KCNMA1: variants seen among roughly 807,000 people sequenced by gnomAD.
The protein encoded by KCNMA1 is Calcium-activated potassium channel subunit alpha-1.
A neutral mutation model predicts 140.0 loss-of-function variants in KCNMA1; 29 were observed. The ratio of observed to expected loss-of-function variants is 0.21; its 90% CI spans 0.15 to 0.28. The LOEUF (loss-of-function observed/expected upper bound fraction) is 0.28. Among genes scored for constraint, KCNMA1 ranks in the 10% least tolerant of loss-of-function variants. The pLI, the probability that KCNMA1 is intolerant of heterozygous loss-of-function variation, is 1.00. For missense variants in KCNMA1, 880 were observed against 1,602.2 expected (o/e 0.55, Z 7.70); for synonymous variants, 612 against 611.9 (o/e 1.00, Z 0.00).
intron 22 of KCNMA1, among the ~76,000 whole-genome samples, chr10:76,948,505 C>T (rs192016917): frequency 1.3e-5 from 2 of 152,194 alleles, no homozygotes; most frequent in Admixed American, 6.5e-5. Context: ...CCCATATCCT[C>T]ACACTAAATT....
At chr10:77,007,653 GTA>G (rs60937323) in intron 18 of KCNMA1, among the ~76,000 whole-genome samples, 8,022 of 88,522 alleles carry the variant, frequency 0.091, 510 homozygotes, top group Non-Finnish European at 0.13. Flanking sequence ...TTGTGTGTGT[GTA>G]TATATATATA....
intron 1 of KCNMA1, chr10:77,636,850 G>T (rs2093798813): frequency 9.8e-6 from 14 of 1,428,530 alleles, no homozygotes; most frequent in African/African-American, 1.4e-5. Flanking sequence ...CTCGCCCACC[G>T]CCAGGAGCCG....
chr10:77,197,176 A>G (rs938134511), intron 3 of KCNMA1, among the ~76,000 whole-genome samples: 2 of 152,258 alleles, frequency 1.3e-5, no homozygotes, highest in Non-Finnish European at 2.9e-5. Context: ...TAGTTTTACT[A>G]AACACTATGA....
chr10:77,378,536 G>A (rs1204341196), intron 2 of KCNMA1, among the ~76,000 whole-genome samples: 1 of 152,174 alleles, frequency 6.6e-6, no homozygotes, highest in Non-Finnish European at 1.5e-5. Context: ...GAAAAGCCCT[G>A]GTTTGGGTGG....
chr10:77,455,450 T>A (rs1372969122), intron 1 of KCNMA1, among the ~76,000 whole-genome samples: 3 of 152,086 alleles, frequency 2.0e-5, no homozygotes, highest in African/African-American at 7.2e-5. Context: ...TTCCTCAGAA[T>A]TCCCTACTTT....
At chr10:77,030,576 A>C (rs1594203047) in intron 15 of KCNMA1, among the ~76,000 whole-genome samples, 1 of 152,300 alleles carries the variant, frequency 6.6e-6, no homozygotes, top group East Asian at 1.9e-4. Context: ...ATGGGATCAA[A>C]GATCTTCATT....
intron 1 of KCNMA1, among the ~76,000 whole-genome samples, chr10:77,467,998 T>G (rs962788858): frequency 6.6e-6 from 1 of 152,166 alleles, no homozygotes; most frequent in Non-Finnish European, 1.5e-5. Context: ...TGTTTTTATT[T>G]TTATTTTTAT....
intron 1 of KCNMA1, among the ~76,000 whole-genome samples, chr10:77,504,425 G>C (rs1369027170): frequency 2.0e-5 from 3 of 152,164 alleles, no homozygotes; most frequent in Non-Finnish European, 2.9e-5. Context: ...GCAACCGAGA[G>C]GGGTGCCAGA....
intron 1 of KCNMA1, among the ~76,000 whole-genome samples, chr10:77,570,218 C>T (rs1056829243): frequency 1.3e-5 from 2 of 148,854 alleles, no homozygotes; most frequent in South Asian, 2.2e-4. Flanking sequence ...ACCATTTGAC[C>T]CAGCCATCCC....
intron 13 of KCNMA1, among the ~76,000 whole-genome samples, chr10:77,073,754 G>C (rs1316489116): frequency 6.6e-6 from 1 of 152,174 alleles, no homozygotes; most frequent in African/African-American, 2.4e-5. Context: ...TTCTGATTCA[G>C]TAGATCTGGG....
At chr10:77,537,763 C>T (rs1192135250) in intron 1 of KCNMA1, among the ~76,000 whole-genome samples, 1 of 149,066 alleles carries the variant, frequency 6.7e-6, no homozygotes, top group African/African-American at 2.5e-5. Flanking sequence ...GTCTCGGTGG[C>T]ACCGCTGGCC....
At chr10:77,572,210 T>C (rs924221926) in intron 1 of KCNMA1, among the ~76,000 whole-genome samples, 11 of 152,074 alleles carry the variant, frequency 7.2e-5, no homozygotes, top group African/African-American at 2.7e-4. Flanking sequence ...ACACACATGA[T>C]GTGGGCCAAA....
At chr10:77,434,621 T>A (rs2097218709) in intron 1 of KCNMA1, among the ~76,000 whole-genome samples, 3 of 152,222 alleles carry the variant, frequency 2.0e-5, no homozygotes, top group Admixed American at 1.3e-4. Context: ...ACACAGCTGC[T>A]GAGGAACAGG....
intron 23 of KCNMA1, among the ~76,000 whole-genome samples, chr10:76,916,031 C>T (rs1037582737): frequency 4.0e-5 from 6 of 151,320 alleles, no homozygotes; most frequent in Admixed American, 1.3e-4. Flanking sequence ...CACACACACA[C>T]ACACACACAC....
At chr10:77,063,978 G>A (rs2095847924) in intron 14 of KCNMA1, 1 of 985,272 alleles carries the variant, frequency 1.0e-6, no homozygotes, top group Non-Finnish European at 1.2e-6. Context: ...GTGAGTGTCA[G>A]CTTCTACTGG....
intron 1 of KCNMA1, among the ~76,000 whole-genome samples, chr10:77,552,451 A>AG (rs1296562573): frequency 6.6e-6 from 1 of 152,210 alleles, no homozygotes; most frequent in Non-Finnish European, 1.5e-5. Context: ...GGGTTAATAT[A>AG]GGGCAAGCAC....
chr10:77,107,301 A>G (rs2097216381), intron 9 of KCNMA1, among the ~76,000 whole-genome samples: 1 of 152,262 alleles, frequency 6.6e-6, no homozygotes, highest in African/African-American at 2.4e-5. Flanking sequence ...ATGACTGGGA[A>G]GAGGCATGAG....
intron 2 of KCNMA1, among the ~76,000 whole-genome samples, chr10:77,325,346 C>T (rs552292633): frequency 6.6e-6 from 1 of 152,262 alleles, no homozygotes; most frequent in East Asian, 1.9e-4. Flanking sequence ...GCAGGTGTGG[C>T]TGGCACAGTA....
At chr10:77,302,486 G>A (rs942082127) in intron 2 of KCNMA1, among the ~76,000 whole-genome samples, 1 of 152,106 alleles carries the variant, frequency 6.6e-6, no homozygotes, top group East Asian at 1.9e-4. Context: ...TGACTACTCC[G>A]GTGCAGATCT....
Sources: gnomAD v4.1 joint callset for allele counts (sites outside exome capture counted in the v4.1 genomes callset) on GRCh38, gnomAD v4.1.1 for gene constraint, MANE v1.5 for transcripts, NCBI Gene and HGNC (gene_info 2026-07-23, HGNC 2026-07-21) for gene names.